ALAD: variants seen among roughly 807,000 people sequenced by gnomAD.
The protein encoded by ALAD is aminolevulinate dehydratase, also known as delta-aminolevulinic acid dehydratase.
Under a neutral mutation model 44.4 loss-of-function variants are expected in ALAD, and 20 were observed. The ratio of observed to expected loss-of-function variants is 0.45; its 90% CI spans 0.32 to 0.65. The LOEUF (loss-of-function observed/expected upper bound fraction) is 0.65, where lower values mean the gene tolerates loss of function less well. Among genes scored for constraint, ALAD ranks in the 30% least tolerant of loss-of-function variants. The probability of loss-of-function intolerance (pLI) is 0.05; values close to 1 mark genes in which losing one functional copy is unlikely to be tolerated. For synonymous variants in ALAD, 156 were observed against 167.9 expected (o/e 0.93, Z 0.55); for missense variants, 323 against 445.7 (o/e 0.72, Z 2.48).
chr9:113,390,908 G>A lies in ALAD; in HGVS notation c.287C>T (p.Ser96Phe), dbSNP rs373330887. 3.1e-5 allele frequency: 50 copies of A among 1,614,038 alleles called. No individual in the cohort carries two copies. The highest frequency in any genetic ancestry group is 3.7e-5 in the Non-Finnish European group (44 of 1,180,042). ...PKDERGSAAD[S>F]EESPAIEAIH... ...TGCCTCAATAGCTGGGGACTCCTCG[G>A]AGTCAGCTGCGGAACCCCGCTCGTC... is the stretch of plus-strand genomic sequence containing the variant. Residue 96 changes from serine to phenylalanine, a missense_variant, in exon 5 of 12, where the codon TCC becomes TTC. Ser to Phe is a radical substitution (Grantham distance 155, BLOSUM62 -2). Transcript: ENST00000409155.
rs1373863837 is a variant in ALAD at position 113,396,542 on chromosome 9, A to G, written c.-75-2908T>C. 5 of 153,156 alleles carry G rather than the reference A, an allele frequency of 3.3e-5. No individual in the cohort carries two copies. The East Asian group carries it at 7.7e-4, about 24-fold the overall frequency. 9.5% of individuals were successfully genotyped at this position (153,156 alleles called of 1,614,324 possible). On this transcript the variant is annotated intron_variant, in intron 1 of 11. Transcript: ENST00000409155. ...AGGAGGATGGCTGTGGACTGTTTTG[A>G]GGAGCTGAGGCAAGTGTGTATGGAG... is the stretch of plus-strand genomic sequence containing the variant.
chr9:113,394,197 C>A (rs796331728), intron 1 of ALAD, among the ~76,000 whole-genome samples: 4 of 150,844 alleles, frequency 2.7e-5, no homozygotes, highest in African/African-American at 9.7e-5. Flanking sequence ...GCCTCAGCCT[C>A]CCAAAGTGCC....
At position 113,390,498 on chromosome 9, in the gene ALAD, G is replaced by A. The variant is rs1182223503; in HGVS notation, c.482-5C>T. 1.9e-6 allele frequency: 3 copies of A among 1,614,084 alleles called. No individual in the cohort carries two copies. The highest frequency in any genetic ancestry group is 1.1e-5 in the South Asian group (1 of 91,084). ...ACGGGGCTACCACCTGACATCCTGG[G>A]GGGCAGAGGGTGGCCTTCAGAACTC... On this transcript the variant is annotated splice_polypyrimidine_tract_variant and splice_region_variant and intron_variant, in intron 6 of 11. Coordinates refer to ENST00000409155, the MANE Select transcript of ALAD (RefSeq NM_000031.6).
In ALAD at chr9:113,389,459, G is replaced by A. The variant is rs374069780; in HGVS notation, c.780C>T (p.Ile260=). Residue 260 remains isoleucine (I), a synonymous_variant, in exon 10 of 12, where the codon ATC becomes ATT. Coordinates refer to ENST00000409155, the MANE Select transcript of ALAD (RefSeq NM_000031.6). The stretch of plus-strand genomic sequence containing the variant: ...TCACCTTGTCCTTTACCTCCCGCAC[G>A]ATGTCCAGGTAGGGCATTCCCGGCT... The part of the protein sequence containing the change: ...MVKPGMPYLD[I]VREVKDKHPD... 5.6e-6 allele frequency: 9 copies of A among 1,613,656 alleles called. No individual in the cohort carries two copies. In the Admixed American group the frequency reaches 1.2e-4, roughly 21 times the overall value.
intron 1 of ALAD, among the ~76,000 whole-genome samples, chr9:113,394,091 A>G (rs759972628): frequency 6.6e-6 from 1 of 151,718 alleles, no homozygotes; most frequent in Non-Finnish European, 1.5e-5. Flanking sequence ...GGTGTGCACC[A>G]CAACATCCAG....
chr9:113,397,785 T>G (rs951667245), intron 1 of ALAD, among the ~76,000 whole-genome samples: 1 of 151,996 alleles, frequency 6.6e-6, no homozygotes, highest in African/African-American at 2.4e-5. Context: ...TGACCATGCT[T>G]GGCTAATTTT....
chr9:113,390,836 T>A lies in ALAD; in HGVS notation c.359A>T (p.Asp120Val). 1 of 1,613,546 alleles carries A rather than the reference T, an allele frequency of 6.2e-7. No individual in the cohort carries two copies. The highest frequency in any genetic ancestry group is 8.5e-7 in the Non-Finnish European group (1 of 1,179,824). ...KTFPNLLVAC[D>V]VCLCPYTSHG... ...GGAGGTGTAGGGACACAGGCAGACA[T>A]CACAGGCCACCAGGAGGTTGGGGAA... Residue 120 changes from aspartate to valine, a missense_variant, in exon 5 of 12, where the codon GAT (aspartate) becomes GTT (valine). Transcript: ENST00000409155.
chr9:113,395,963 G>A (rs1407680899), intron 1 of ALAD, among the ~76,000 whole-genome samples: 1 of 152,174 alleles, frequency 6.6e-6, no homozygotes, highest in African/African-American at 2.4e-5. Flanking sequence ...GGAGGCCGAG[G>A]TGGGTGGATC....
chr9:113,393,444 C>T lies in ALAD; in HGVS notation c.113+3G>A, dbSNP rs1827649280. 5 of 1,532,766 alleles carry T rather than the reference C, an allele frequency of 3.3e-6. No homozygotes were observed. Among genetic ancestry groups the T allele is most frequent in the African/African-American group, 1.4e-5 (1 of 73,954 alleles). 94.9% of individuals were successfully genotyped at this position (1,532,766 alleles called of 1,614,324 possible). A position where few individuals can be genotyped will look rare whatever the true frequency, so the allele number is the denominator to read the frequency against. On this transcript the variant is annotated splice_donor_region_variant and intron_variant, in intron 2 of 11. Coordinates refer to ENST00000409155, the MANE Select transcript of ALAD (RefSeq NM_000031.6). ...GAGGCCTGGCCCATTCTTGGAGACT[C>T]ACGTGACAAAGATGGGGTAGATGAG...
Position 113,390,592 on chromosome 9 carries a change from C to A in ALAD, c.481+1G>T, listed in dbSNP as rs1454432774. 2 of 1,613,972 alleles carry A rather than the reference C, an allele frequency of 1.2e-6. No homozygotes were observed. Among genetic ancestry groups the A allele is most frequent in the African/African-American group, 2.7e-5 (2 of 74,946 alleles). ...CCCATCCCTGCTGGTGGTTCACTCA[C>A]CTGCCTTGGCATACGCCAATGCCAC... On this transcript the variant is annotated splice_donor_variant, in intron 6 of 11. Transcript: ENST00000409155. LOFTEE classifies it high-confidence loss of function.
intron 4 of ALAD, 135 bp downstream of exon 4, chr9:113,391,392 A>G: frequency 1.3e-6 from 1 of 771,774 alleles, no homozygotes; most frequent in Non-Finnish European, 2.3e-6. Context: ...TTTTGTAGAG[A>G]TGGGTTTTGC....
intron 11 of ALAD, 110 bp from the exon 12 acceptor site, chr9:113,388,471 A>T: frequency 2.0e-6 from 2 of 993,866 alleles, no homozygotes; most frequent in Non-Finnish European, 3.2e-6. Context: ...GAAGAAGCAC[A>T]GCCTGTGGGC....
chr9:113,389,072 G>C lies in ALAD; in HGVS notation c.836C>G (p.Ser279Cys). 1.2e-6 allele frequency: 2 copies of C among 1,614,008 alleles called. No homozygotes were observed. Among genetic ancestry groups the C allele is most frequent in the Non-Finnish European group, 1.7e-6 (2 of 1,180,038 alleles). ...ATGCCACAGCATGGCAAACTCTCCA[G>C]AGACGTGGTACACGGCGAGAGGGAG... is the stretch of plus-strand genomic sequence containing the variant. ...PDLPLAVYHV[S>C]GEFAMLWHGA... The change falls in exon 11 of 12, where the codon TCT becomes TGT. Residue 279 changes from serine (S) to cysteine (C), a missense_variant. By Grantham distance (112) the Ser-to-Cys change is moderately radical. Transcript: ENST00000409155.
At chr9:113,400,640 G>T (rs1400882727) in intron 1 of ALAD, among the ~76,000 whole-genome samples, 3 of 151,742 alleles carry the variant, frequency 2.0e-5, no homozygotes, top group Non-Finnish European at 2.9e-5. Context: ...CTGACCAACA[G>T]GGAGAAACCC....
chr9:113,398,869 T>C (rs140157234), intron 1 of ALAD, among the ~76,000 whole-genome samples: 1 of 152,280 alleles, frequency 6.6e-6, no homozygotes, highest in East Asian at 1.9e-4. Context: ...GAATCACATA[T>C]TGGCAGAGCC....
chr9:113,389,754 C>G lies in ALAD; in HGVS notation c.626+19G>C, dbSNP rs767827395. On this transcript the variant is annotated intron_variant, in intron 8 of 11. Coordinates refer to ENST00000409155, the MANE Select transcript of ALAD (RefSeq NM_000031.6). ...AAGGGCCAGGGATTCACAGCAGACC[C>G]CTGCCCACCCCTGCTCACCGGAAAG... 10 of 1,614,222 alleles carry G rather than the reference C, an allele frequency of 6.2e-6. No individual in the cohort carries two copies. Among genetic ancestry groups the G allele is most frequent in the South Asian group, 5.5e-5 (5 of 91,084 alleles).
In ALAD at chr9:113,391,595, G is replaced by A. The variant is rs747557477; in HGVS notation, c.193C>T (p.Leu65=). 1 of 1,614,016 alleles carries A rather than the reference G, an allele frequency of 6.2e-7. No homozygotes were observed. Among genetic ancestry groups the A allele is most frequent in the Non-Finnish European group, 8.5e-7 (1 of 1,180,016 alleles). Residue 65 remains leucine, a synonymous_variant, in exon 4 of 12, where the codon CTG becomes TTG. Coordinates refer to ENST00000409155, the MANE Select transcript of ALAD (RefSeq NM_000031.6). The part of the protein sequence containing the change: ...RYGVKRLEEM[L]RPLVEEGLRC... ...AGGCCCTCTTCCACCAAGGGCCTCA[G>A]CATCTCTTCCAGCCGCTTCACACCA...
At chr9:113,392,815 C>CTTTTTTTTT (rs34148636) in intron 2 of ALAD, among the ~76,000 whole-genome samples, 1 of 113,088 alleles carries the variant, frequency 8.8e-6, no homozygotes, top group African/African-American at 3.5e-5. Context: ...ATTGCCATCT[C>CTTTTTTTTT]TTTTTTTTTT....
intron 4 of ALAD, 37 bp from the exon 5 acceptor site, chr9:113,390,970 A>C: frequency 6.2e-7 from 1 of 1,612,914 alleles, no homozygotes; most frequent in Non-Finnish European, 8.5e-7. Context: ...TGTGTCTATT[A>C]CATGTAGCTT....
Sources: gnomAD v4.1 joint callset for allele counts (sites outside exome capture counted in the v4.1 genomes callset) on GRCh38, gnomAD v4.1.1 for gene constraint, MANE v1.5 for transcripts, NCBI Gene and HGNC (gene_info 2026-07-23, HGNC 2026-07-21) for gene names.